Variants in CRTAC1 observed in about 807,000 individuals in gnomAD.
CRTAC1 encodes acidic secreted protein in cartilage.
In CRTAC1, 37 loss-of-function variants were observed where a neutral mutation model predicts 67.8. The ratio of observed to expected loss-of-function variants is 0.55; its 90% confidence interval spans 0.42 to 0.72. The LOEUF (loss-of-function observed/expected upper bound fraction) is 0.72. Ranked by LOEUF, CRTAC1 falls within the 30% of genes least tolerant of loss-of-function variation. CRTAC1 has a pLI of 0.00. For missense variants in CRTAC1, 780 were observed against 931.6 expected (o/e 0.84, Z 2.12); for synonymous variants, 348 against 371.0 (o/e 0.94, Z 0.71).
chr10:97,907,634 G>A (rs1029581928), intron 6 of CRTAC1, among the ~76,000 whole-genome samples: 1 of 152,146 alleles, frequency 6.6e-6, no homozygotes, highest in Non-Finnish European at 1.5e-5. Flanking sequence ...CTCCATGAAT[G>A]CTCACTGTAT....
chr10:97,996,906 A>T (rs1490168503), intron 2 of CRTAC1, among the ~76,000 whole-genome samples: 3 of 151,824 alleles, frequency 2.0e-5, no homozygotes, highest in African/African-American at 4.8e-5. Context: ...ATGCAGCCAG[A>T]AAAAAATGAT....
rs566003506 is a variant in CRTAC1 at position 97,964,808 on chromosome 10, T to C, written c.225-28442A>G. ...ACCTTGATGTTCCTGAAATGATCAG[T>C]CTTTAAAACCAAAGTAAGTTGGTCA... On this transcript the variant is annotated intron_variant, in intron 2 of 14. Coordinates refer to ENST00000370597, the MANE Select transcript of CRTAC1 (RefSeq NM_018058.7). Among the ~76,000 whole-genome samples the C allele has an allele frequency of 1.3e-4, 20 of 152,304 alleles. 1 individual carries two copies. The South Asian group carries it at 3.5e-3, about 27-fold the overall frequency.
At chr10:97,937,418 T>C (rs183015916) in intron 2 of CRTAC1, among the ~76,000 whole-genome samples, 53 of 152,298 alleles carry the variant, frequency 3.5e-4, no homozygotes, top group African/African-American at 1.1e-3. Flanking sequence ...ACTAATGCTC[T>C]CTTCCCACAG....
intron 2 of CRTAC1, among the ~76,000 whole-genome samples, chr10:98,009,798 T>G (rs367548530): frequency 1.3e-4 from 20 of 152,292 alleles, no homozygotes; most frequent in African/African-American, 4.8e-4. Context: ...TAACGAAACT[T>G]TGTACAGTGT....
chr10:98,028,964 G>A (rs776865639), intron 1 of CRTAC1, among the ~76,000 whole-genome samples: 4 of 152,058 alleles, frequency 2.6e-5, no homozygotes, highest in African/African-American at 4.8e-5. Flanking sequence ...AGTACCCACC[G>A]GAAATGGAAA....
chr10:97,921,952 C>T (rs1048133521), intron 4 of CRTAC1, among the ~76,000 whole-genome samples: 4 of 150,560 alleles, frequency 2.7e-5, no homozygotes, highest in East Asian at 1.9e-4. Context: ...TGGTTAAATG[C>T]GTGGGTGTGC....
intron 3 of CRTAC1, among the ~76,000 whole-genome samples, chr10:97,931,055 G>T (rs2050996524): frequency 1.3e-5 from 2 of 152,176 alleles, no homozygotes; most frequent in South Asian, 4.1e-4. Context: ...AAAATAGGCA[G>T]AGGCTATGAG....
At chr10:97,963,152 GTCA>G (rs1590242837) in intron 2 of CRTAC1, among the ~76,000 whole-genome samples, 1 of 152,124 alleles carries the variant, frequency 6.6e-6, no homozygotes, top group Admixed American at 6.5e-5. Context: ...TGGGTCCTTT[GTCA>G]TCATTTCCTG....
chr10:97,975,861 T>C lies in CRTAC1; in HGVS notation c.224+35277A>G, dbSNP rs1403859160. 6.6e-6 allele frequency among the ~76,000 whole-genome samples: 1 copy of C among 152,164 alleles called. No individual in the cohort carries two copies. The highest frequency in any genetic ancestry group is 1.9e-4 in the East Asian group (1 of 5,188). Reference sequence around the variant, plus strand: ...CCTGGGCCCCCAATGAGGAGCTAGCTCCCGGCTGCCCCTTGAGGTCATGAA... The same window carrying C: ...CCTGGGCCCCCAATGAGGAGCTAGCCCCCGGCTGCCCCTTGAGGTCATGAA... On this transcript the variant is annotated intron_variant, in intron 2 of 14. Transcript: ENST00000370597. The surrounding 1 kb of genome is among the most constrained non-coding windows in gnomAD (Gnocchi z 4.8).
At chr10:97,939,473 G>A (rs1442013183) in intron 2 of CRTAC1, among the ~76,000 whole-genome samples, 1 of 152,102 alleles carries the variant, frequency 6.6e-6, no homozygotes, top group Non-Finnish European at 1.5e-5. Flanking sequence ...TGCCTCCCAG[G>A]ACTACAGATA....
At chr10:98,008,095 A>T (rs1052122586) in intron 2 of CRTAC1, among the ~76,000 whole-genome samples, 1 of 152,108 alleles carries the variant, frequency 6.6e-6, no homozygotes, top group Non-Finnish European at 1.5e-5. Flanking sequence ...CCTGGAAAGG[A>T]TAGGGAAACT....
intron 13 of CRTAC1, 41 bp downstream of exon 13, chr10:97,882,745 C>T: frequency 6.2e-7 from 1 of 1,610,044 alleles, no homozygotes; most frequent in Non-Finnish European, 8.5e-7. Flanking sequence ...CAGGGAGATT[C>T]CGGCCTCTAC....
intron 2 of CRTAC1, among the ~76,000 whole-genome samples, chr10:97,942,024 C>A (rs2051184653): frequency 6.6e-6 from 1 of 152,200 alleles, no homozygotes; most frequent in South Asian, 2.1e-4. Context: ...TTGCTCCCAC[C>A]ACCCAGAACA....
chr10:97,938,131 G>A (rs527727724), intron 2 of CRTAC1, among the ~76,000 whole-genome samples: 11 of 152,268 alleles, frequency 7.2e-5, no homozygotes, highest in African/African-American at 2.2e-4. Context: ...GTCAGCGCCC[G>A]GTGATGGAAG....
intron 2 of CRTAC1, among the ~76,000 whole-genome samples, chr10:97,947,136 T>A (rs553619608): frequency 6.6e-6 from 1 of 152,340 alleles, no homozygotes; most frequent in South Asian, 2.1e-4. Context: ...AAGGAGCCAA[T>A]GAATGCTTCA....
intron 1 of CRTAC1, among the ~76,000 whole-genome samples, chr10:98,017,847 A>T (rs977376933): frequency 4.6e-5 from 7 of 151,878 alleles, no homozygotes; most frequent in African/African-American, 1.5e-4. Context: ...ATAATTTCTT[A>T]AAAATGCTCT....
At chr10:98,010,102 C>G (rs187879048) in intron 2 of CRTAC1, among the ~76,000 whole-genome samples, 3 of 150,912 alleles carry the variant, frequency 2.0e-5, no homozygotes, top group African/African-American at 7.3e-5. Context: ...TGCAGTGGTG[C>G]CGTCTCGGCT....
At chr10:97,961,225 T>C (rs959476609) in intron 2 of CRTAC1, among the ~76,000 whole-genome samples, 1 of 152,132 alleles carries the variant, frequency 6.6e-6, no homozygotes, top group Non-Finnish European at 1.5e-5. Flanking sequence ...ATGGAGAAGA[T>C]GAAAGTCAAC....
chr10:97,880,895 G>T, intron 13 of CRTAC1, among the ~76,000 whole-genome samples: 1 of 152,032 alleles, frequency 6.6e-6, no homozygotes, highest in Non-Finnish European at 1.5e-5. Context: ...AAATCAGAGC[G>T]ACCCCTGATT....
Sources: gnomAD v4.1 joint callset for allele counts (sites outside exome capture counted in the v4.1 genomes callset) on GRCh38, gnomAD v4.1.1 for gene constraint, Gnocchi (gnomAD v3.1) non-coding constraint, MANE v1.5 for transcripts, NCBI Gene and HGNC (gene_info 2026-07-23, HGNC 2026-07-21) for gene names.